CARS2: variants seen among roughly 807,000 people sequenced by gnomAD.
CARS2 encodes the protein cysteinyl-tRNA synthetase 2, mitochondrial.
Under a neutral mutation model 68.8 loss-of-function variants are expected in CARS2, and 52 were observed. That is an observed-to-expected ratio of 0.76 (90% confidence interval 0.61 to 0.95). The LOEUF (loss-of-function observed/expected upper bound fraction) is 0.95, where lower values mean the gene tolerates loss of function less well. CARS2 is among the 40% of genes least tolerant of loss of function. The pLI, the probability that CARS2 is intolerant of heterozygous loss-of-function variation, is 0.00. For synonymous variants in CARS2, 314 were observed against 303.6 expected, an observed-to-expected ratio of 1.03 and a Z score of -0.36; for missense variants, 780 against 754.2, an observed-to-expected ratio of 1.03 and a Z score of -0.40.
chr13:110,702,313 A>C (rs1026081271), intron 2 of CARS2, among the ~76,000 whole-genome samples: 2 of 152,218 alleles, frequency 1.3e-5, no homozygotes, highest in African/African-American at 2.4e-5. Flanking sequence ...AGCTGAGACC[A>C]AATCTTGATT....
rs763183051 is a variant in CARS2, at chr13:110,712,977, G to A, written n.399+160C>T. On this transcript the variant is annotated intron_variant and non_coding_transcript_variant, in intron 1 of 2. Coordinates refer to the CARS2 transcript ENST00000485188. ...GGAGTGGTGGTCCGGCCGCGGAATG[G>A]GTAGGTCTCCCGCGCACTCTGCGGC... 9.0e-6 allele frequency: 14 copies of A among 1,557,566 alleles called. No homozygotes were observed. The East Asian group carries it at 2.9e-4, about 32-fold the overall frequency.
chr13:110,686,218 GC>G (rs1413043594), intron 5 of CARS2, among the ~76,000 whole-genome samples: 1 of 150,306 alleles, frequency 6.7e-6, no homozygotes, highest in African/African-American at 2.4e-5. Flanking sequence ...CATGGCTGAT[GC>G]GACAGAACAT....
At chr13:110,673,466 T>A (rs878991654) in intron 7 of CARS2, among the ~76,000 whole-genome samples, 1 of 152,134 alleles carries the variant, frequency 6.6e-6, no homozygotes, top group Non-Finnish European at 1.5e-5. Flanking sequence ...AAAAACCACA[T>A]GATTATCTCA....
chr13:110,653,185 A>G lies in CARS2; in HGVS notation c.988-2085T>C, dbSNP rs1302048926. The stretch of plus-strand genomic sequence containing the variant: ...GCTGCCACAGGGGCCTGGGGTGGGG[A>G]GGGGGGCTGGGGTATGTGTGTGTGT... On this transcript the variant is annotated intron_variant, in intron 9 of 14. Coordinates refer to ENST00000257347, the MANE Select transcript of CARS2 (RefSeq NM_024537.4). The surrounding 1 kb of genome is among the most constrained non-coding windows in gnomAD (Gnocchi z 5.6). Among the ~76,000 whole-genome samples, 85 of 147,420 alleles carry G rather than the reference A, an allele frequency of 5.8e-4. No individual in the cohort carries two copies. Among genetic ancestry groups the G allele is most frequent in the Admixed American group, 1.1e-3 (16 of 14,848 alleles).
Position 110,664,671 on chromosome 13 carries a change from A to AT in CARS2, c.920-1154dup, listed in dbSNP as rs2062599425. 4 of 981,092 alleles carry AT rather than the reference A, an allele frequency of 4.1e-6. No individual in the cohort carries two copies. The African/African-American group carries it at 7.0e-5, about 17-fold the overall frequency. 60.8% of individuals were successfully genotyped at this position (981,092 alleles called of 1,614,324 possible). A position where few individuals can be genotyped will look rare whatever the true frequency, so the allele number is the denominator to read the frequency against. On this transcript the variant is annotated intron_variant, in intron 8 of 14. Coordinates refer to ENST00000257347, the MANE Select transcript of CARS2 (RefSeq NM_024537.4). ...TGATGATAGTTGGAAAATAAAACAC[A>AT]TTTGCTAAGGCCTGAATGTTTATGT...
At chr13:110,674,299 C>T (rs1394892055) in intron 7 of CARS2, among the ~76,000 whole-genome samples, 1 of 151,970 alleles carries the variant, frequency 6.6e-6, no homozygotes, top group Admixed American at 6.6e-5. Context: ...AGGCATCATG[C>T]TACCTGACTT....
At chr13:110,678,578 C>A (rs1271537836) in intron 6 of CARS2, among the ~76,000 whole-genome samples, 1 of 152,194 alleles carries the variant, frequency 6.6e-6, no homozygotes. Context: ...GGCACCCAAG[C>A]AAACAGAACA....
chr13:110,687,534 C>T (rs919888079), intron 5 of CARS2, among the ~76,000 whole-genome samples, 187 bp downstream of exon 5: 6 of 151,476 alleles, frequency 4.0e-5, no homozygotes, highest in East Asian at 3.9e-4. Context: ...AAAATGTAGC[C>T]GGGCATGGTG....
intron 9 of CARS2, among the ~76,000 whole-genome samples, chr13:110,654,490 C>A (rs968642061): frequency 6.6e-6 from 1 of 152,102 alleles, no homozygotes; most frequent in Admixed American, 6.6e-5. Flanking sequence ...CTCCAAGGAA[C>A]TATGGGCTAG....
intron 6 of CARS2, 104 bp downstream of exon 6, chr13:110,682,947 G>A (rs753704927): frequency 6.7e-5 from 44 of 651,914 alleles, no homozygotes; most frequent in Non-Finnish European, 1.0e-4. Context: ...GGTAAGGCCA[G>A]TGTCTGAGCA....
chr13:110,664,973 TAGCAGCCCTA>T, intron 8 of CARS2: 1 of 981,724 alleles, frequency 1.0e-6, no homozygotes, highest in African/African-American at 1.7e-5. Flanking sequence ...AGTTTGGCTA[TAGCAGCCCTA>T]ACAGGCTGGG....
intron 3 of CARS2, among the ~76,000 whole-genome samples, chr13:110,692,019 T>C (rs1341621942): frequency 1.6e-5 from 1 of 63,040 alleles, no homozygotes; most frequent in Admixed American, 1.4e-4. Context: ...TATATATATA[T>C]ATATACACAC....
Position 110,701,481 on chromosome 13 carries a change from C to T in CARS2, c.350G>A (p.Gly117Asp), listed in dbSNP as rs764380537. ...GATTTTATCATCTACATCTGTAATA[C>T]CCATCACCATGACTATGCTGCATCC... is the stretch of plus-strand genomic sequence containing the variant. ...VFGCSIVMVM[G>D]ITDVDDKIIK... is the part of the protein sequence containing the mutation. Residue 117 changes from glycine (G) to aspartate (D), a missense_variant, in exon 3 of 15, where the codon GGT becomes GAT. Physicochemically the swap from Gly to Asp is moderately conservative, Grantham distance 94. Transcript: ENST00000257347. The T allele has an allele frequency of 9.5e-6, 15 of 1,583,342 alleles. No homozygotes were observed. The highest frequency in any genetic ancestry group is 1.7e-5 in the Admixed American group (1 of 59,964).
At position 110,665,881 on chromosome 13, in the gene CARS2, A is replaced by G; in HGVS notation, c.919+1459T>C. The G allele has an allele frequency of 1.0e-6, 1 of 985,368 alleles. No individual in the cohort carries two copies. Among genetic ancestry groups the G allele is most frequent in the South Asian group, 4.7e-5 (1 of 21,284 alleles). The allele number at this position is 985,368 out of a possible 1,614,324, so 61.0% of individuals were successfully genotyped here. ...CTGTGACATCTTAATTTCCCAATTC[A>G]AGGGTTTCAAAAACTAGTATTTGTT... is the stretch of plus-strand genomic sequence containing the variant. On this transcript the variant is annotated intron_variant, in intron 8 of 14. Coordinates refer to ENST00000257347, the MANE Select transcript of CARS2 (RefSeq NM_024537.4). The surrounding 1 kb of genome is among the most constrained non-coding windows in gnomAD (Gnocchi z 4.3).
intron 6 of CARS2, among the ~76,000 whole-genome samples, chr13:110,679,164 G>A (rs1024860324): frequency 9.9e-5 from 15 of 152,128 alleles, no homozygotes; most frequent in African/African-American, 1.9e-4. Flanking sequence ...AATGACAGAC[G>A]GCAATGACAG....
At position 110,651,119 on chromosome 13, in the gene CARS2, G is replaced by T; in HGVS notation, c.988-19C>A. 1 of 1,597,500 alleles carries T rather than the reference G, an allele frequency of 6.3e-7. No individual in the cohort carries two copies. The highest frequency in any genetic ancestry group is 8.6e-7 in the Non-Finnish European group (1 of 1,165,410). On this transcript the variant is annotated intron_variant, in intron 9 of 14. Coordinates refer to ENST00000257347, the MANE Select transcript of CARS2 (RefSeq NM_024537.4). ...GAAAGTCCTGGTAAAGCGAGAGACAGGCAGTCACGAGGCTTTGCTTTTACG... is the reference window on the plus strand; with the variant it reads ...GAAAGTCCTGGTAAAGCGAGAGACATGCAGTCACGAGGCTTTGCTTTTACG...
chr13:110,712,917 G>C, intron 1 of CARS2: 5 of 1,551,508 alleles, frequency 3.2e-6, no homozygotes, highest in Non-Finnish European at 4.4e-6. Flanking sequence ...GGGCGGTGAC[G>C]GATGGCGCAG....
At chr13:110,664,432 G>T in intron 8 of CARS2, 1 of 288,160 alleles carries the variant, frequency 3.5e-6, no homozygotes, top group Non-Finnish European at 5.2e-6. Context: ...TGGGAGGATC[G>T]CTTGAGCCCA....
At chr13:110,679,401 G>T (rs1005277399) in intron 6 of CARS2, among the ~76,000 whole-genome samples, 1 of 151,568 alleles carries the variant, frequency 6.6e-6, no homozygotes, top group African/African-American at 2.4e-5. Flanking sequence ...GTGGTGGCAG[G>T]TGCCTGTAAT....
Sources: allele counts gnomAD v4.1 joint callset (sites outside exome capture counted in the v4.1 genomes callset), GRCh38; gene constraint gnomAD v4.1.1; non-coding constraint Gnocchi (gnomAD v3.1); transcripts MANE v1.5; gene names NCBI Gene and HGNC (gene_info 2026-07-23, HGNC 2026-07-21).